The following MGAT4C variants were observed in gnomAD, a reference collection of about 807,000 sequenced individuals.
MGAT4C encodes the protein alpha-1,3-mannosyl-glycoprotein 4-beta-N-acetylglucosaminyltransferase C.
A neutral mutation model predicts 40.1 loss-of-function variants in MGAT4C; 19 were observed. The observed-to-expected ratio is 0.47, with a 90% CI of 0.33 to 0.70. The LOEUF (loss-of-function observed/expected upper bound fraction) is 0.70. MGAT4C is among the 30% of genes least tolerant of loss of function. The probability of loss-of-function intolerance (pLI) is 0.02; values close to 1 mark genes in which losing one functional copy is unlikely to be tolerated. For synonymous variants in MGAT4C, 181 were observed against 187.1 expected, an observed-to-expected ratio of 0.97 and a Z score of 0.27; for missense variants, 491 against 563.2, an observed-to-expected ratio of 0.87 and a Z score of 1.30.
intron 3 of MGAT4C, among the ~76,000 whole-genome samples, chr12:86,356,890 TG>T (rs1955326376): frequency 1.3e-5 from 2 of 152,100 alleles, no homozygotes; most frequent in Admixed American, 6.5e-5. Flanking sequence ...AATCCACCTC[TG>T]GGGGCAGGGC....
chr12:86,699,078 C>A (rs1355488209), intron 2 of MGAT4C, among the ~76,000 whole-genome samples: 1 of 152,076 alleles, frequency 6.6e-6, no homozygotes, highest in African/African-American at 2.4e-5. Flanking sequence ...TCTAATCATT[C>A]TTCATCATTA....
intron 2 of MGAT4C, among the ~76,000 whole-genome samples, chr12:86,697,073 C>G (rs1950273246): frequency 6.6e-6 from 1 of 152,068 alleles, no homozygotes; most frequent in African/African-American, 2.4e-5. Flanking sequence ...AATCCTATAT[C>G]TGATAAGGAA....
chr12:86,807,684 C>A (rs1952384805), intron 1 of MGAT4C, among the ~76,000 whole-genome samples: 1 of 152,076 alleles, frequency 6.6e-6, no homozygotes, highest in Non-Finnish European at 1.5e-5. Context: ...GGTTCTAGAT[C>A]TTTGGGGAAT....
At chr12:86,180,432 G>C (rs2057744330) in intron 1 of MGAT4C, among the ~76,000 whole-genome samples, 1 of 152,134 alleles carries the variant, frequency 6.6e-6, no homozygotes, top group African/African-American at 2.4e-5. Flanking sequence ...TCAGACCCTA[G>C]AGTGGTAGAT....
intron 2 of MGAT4C, among the ~76,000 whole-genome samples, chr12:86,469,614 GT>G (rs199820427): frequency 3.3e-5 from 5 of 151,370 alleles, no homozygotes; most frequent in Admixed American, 1.3e-4. Context: ...AGTAATTGCG[GT>G]TTTTTTTTCC....
At chr12:86,121,001 T>C (rs980536787) in intron 1 of MGAT4C, among the ~76,000 whole-genome samples, 9 of 152,092 alleles carry the variant, frequency 5.9e-5, no homozygotes, top group Admixed American at 5.2e-4. Context: ...CCTTGAAAAG[T>C]AGATTAGATG....
At chr12:86,673,285 G>C (rs1281292516) in intron 2 of MGAT4C, among the ~76,000 whole-genome samples, 1 of 152,098 alleles carries the variant, frequency 6.6e-6, no homozygotes, top group Non-Finnish European at 1.5e-5. Context: ...ATATTCCATA[G>C]GGTAACTTTG....
chr12:86,133,540 T>C (rs1881536956), intron 1 of MGAT4C, among the ~76,000 whole-genome samples: 1 of 152,216 alleles, frequency 6.6e-6, no homozygotes, highest in South Asian at 2.1e-4. Flanking sequence ...AAGCTCTAAA[T>C]ACAATCAGGG....
chr12:86,763,318 TAA>T (rs1228828927), intron 1 of MGAT4C, among the ~76,000 whole-genome samples: 6 of 152,186 alleles, frequency 3.9e-5, no homozygotes, highest in Admixed American at 3.9e-4. Flanking sequence ...CTAGGTAGGG[TAA>T]AACTTCCCCC....
intron 2 of MGAT4C, among the ~76,000 whole-genome samples, chr12:86,481,529 C>T (rs145131365): frequency 6.6e-6 from 1 of 151,870 alleles, no homozygotes; most frequent in Non-Finnish European, 1.5e-5. Flanking sequence ...TATTTAGAGG[C>T]AAGAATCTTC....
chr12:86,521,603 A>T (rs527870152), intron 2 of MGAT4C, among the ~76,000 whole-genome samples: 2 of 151,502 alleles, frequency 1.3e-5, no homozygotes, highest in South Asian at 2.1e-4. Flanking sequence ...TGAATTTTTA[A>T]TTTTTTTTCT....
At chr12:86,705,365 A>G (rs1304963933) in intron 2 of MGAT4C, among the ~76,000 whole-genome samples, 3 of 152,060 alleles carry the variant, frequency 2.0e-5, no homozygotes, top group South Asian at 2.1e-4. Context: ...GGGAAAGCAC[A>G]TAATTGAGTG....
At chr12:86,495,917 T>A (rs1958227179) in intron 2 of MGAT4C, among the ~76,000 whole-genome samples, 1 of 151,952 alleles carries the variant, frequency 6.6e-6, no homozygotes, top group African/African-American at 2.4e-5. Context: ...TTTTACCAAT[T>A]CCTCTTCCTA....
At chr12:86,062,792 A>T (rs763217917) in intron 1 of MGAT4C, among the ~76,000 whole-genome samples, 12 of 152,034 alleles carry the variant, frequency 7.9e-5, no homozygotes, top group Non-Finnish European at 1.6e-4. Context: ...AGATCAACTC[A>T]ATAAAATAAA....
intron 4 of MGAT4C, among the ~76,000 whole-genome samples, chr12:86,285,603 T>G (rs762032665): frequency 2.6e-5 from 4 of 151,978 alleles, no homozygotes; most frequent in Non-Finnish European, 5.9e-5. Context: ...TTGCATATTA[T>G]TGATGGAAGT....
At chr12:86,538,965 A>G (rs1959124867) in intron 2 of MGAT4C, among the ~76,000 whole-genome samples, 1 of 152,024 alleles carries the variant, frequency 6.6e-6, no homozygotes. Context: ...ACTACTGCAT[A>G]TGCATAATTT....
intron 4 of MGAT4C, among the ~76,000 whole-genome samples, chr12:86,266,927 ATAGT>A (rs1566243904): frequency 6.6e-6 from 1 of 152,150 alleles, no homozygotes; most frequent in East Asian, 1.9e-4. Flanking sequence ...TTGTGAGTAT[ATAGT>A]TATTCATAAT....
intron 2 of MGAT4C, among the ~76,000 whole-genome samples, chr12:86,008,186 T>G (rs1161210298): frequency 6.6e-6 from 1 of 152,052 alleles, no homozygotes; most frequent in African/African-American, 2.4e-5. Flanking sequence ...TAAATTATTA[T>G]ACAATCAACT....
intron 2 of MGAT4C, among the ~76,000 whole-genome samples, chr12:86,004,589 A>G (rs1037853410): frequency 6.6e-6 from 1 of 152,192 alleles, no homozygotes; most frequent in Non-Finnish European, 1.5e-5. Flanking sequence ...GAACTAGAGT[A>G]GACAAGCCAA....
Sources: allele counts gnomAD v4.1 joint callset (sites outside exome capture counted in the v4.1 genomes callset), GRCh38; gene constraint gnomAD v4.1.1; transcripts MANE v1.5; gene names NCBI Gene and HGNC (gene_info 2026-07-23, HGNC 2026-07-21).